Variants in SLC9B1 observed in about 807,000 individuals in gnomAD.
The protein encoded by SLC9B1 is solute carrier family 9 member B1, also known as sodium/hydrogen exchanger 9B1.
SLC9B1 carries 32 observed loss-of-function variants against 51.7 expected under a neutral mutation model. The observed-to-expected ratio is 0.62, with a 90% CI of 0.47 to 0.83. The LOEUF (loss-of-function observed/expected upper bound fraction) is 0.83, where lower values mean the gene tolerates loss of function less well. SLC9B1 is among the 40% of genes least tolerant of loss of function. The pLI, the probability that SLC9B1 is intolerant of heterozygous loss-of-function variation, is 0.00. For missense variants in SLC9B1, 406 were observed against 613.2 expected (o/e 0.66, Z 3.57); for synonymous variants, 145 against 212.7 (o/e 0.68, Z 2.77).
chr4:102,971,922 T>C (rs1344815506), intron 3 of SLC9B1, among the ~76,000 whole-genome samples: 1 of 151,990 alleles, frequency 6.6e-6, no homozygotes, highest in African/African-American at 2.4e-5. Flanking sequence ...AAATACACCC[T>C]CCTGAGACTA....
At chr4:103,010,398 C>G (rs972398557) in intron 1 of SLC9B1, among the ~76,000 whole-genome samples, 8 of 152,180 alleles carry the variant, frequency 5.3e-5, no homozygotes, top group African/African-American at 1.7e-4. Context: ...GGGCACAGCC[C>G]TCAAGGCCTA....
intron 1 of SLC9B1, among the ~76,000 whole-genome samples, chr4:103,015,164 A>G (rs1407090529): frequency 6.6e-6 from 1 of 152,148 alleles, no homozygotes; most frequent in African/African-American, 2.4e-5. Flanking sequence ...TATTGATGGA[A>G]ATGGTTAAAA....
chr4:102,997,170 C>T (rs2110525368), intron 1 of SLC9B1, among the ~76,000 whole-genome samples: 1 of 152,176 alleles, frequency 6.6e-6, no homozygotes, highest in South Asian at 2.1e-4. Context: ...CTTTTTGATC[C>T]TTTGTATTTC....
At chr4:102,988,149 A>C (rs1739751288) in intron 3 of SLC9B1, among the ~76,000 whole-genome samples, 1 of 152,174 alleles carries the variant, frequency 6.6e-6, no homozygotes, top group Admixed American at 6.5e-5. Context: ...ACTTTAATTC[A>C]TTTAAAGAAA....
At position 102,929,090 on chromosome 4, in the gene SLC9B1, A is replaced by G. The variant is rs561947528; in HGVS notation, c.829+3034T>C. On this transcript the variant is annotated intron_variant, in intron 7 of 11. Coordinates refer to ENST00000296422, the MANE Select transcript of SLC9B1 (RefSeq NM_139173.4). The stretch of plus-strand genomic sequence containing the variant: ...TAAATAAATGTTAATCTCCTTTGGC[A>G]ACACCCTCACAGACACAACCGGGAA... 2.3e-3 allele frequency among the ~76,000 whole-genome samples: 353 copies of G among 152,340 alleles called. 1 individual carries two copies. Among genetic ancestry groups the G allele is most frequent in the African/African-American group, 8.3e-3 (345 of 41,584 alleles).
In SLC9B1 at chr4:102,989,789, G is replaced by A; in HGVS notation, c.211+11C>T. The A allele has an allele frequency of 6.5e-7, 1 of 1,530,766 alleles. No individual in the cohort carries two copies. Among genetic ancestry groups the A allele is most frequent in the Non-Finnish European group, 8.8e-7 (1 of 1,132,424 alleles). The allele number at this position is 1,530,766 out of a possible 1,614,324, so 94.8% of individuals were successfully genotyped here. A position where few individuals can be genotyped will look rare whatever the true frequency, so the allele number is the denominator to read the frequency against. On this transcript the variant is annotated intron_variant, in intron 3 of 11. Transcript: ENST00000296422. ...CATCTTCTCTTCATTTACATTTTTT[G>A]TTTCACATACCATTTGTAATAATTA...
In SLC9B1 at chr4:102,974,330, T is replaced by C. The variant is rs1444290381; in HGVS notation, c.211+15470A>G. On this transcript the variant is annotated intron_variant, in intron 3 of 11. Transcript: ENST00000296422. ...GGCAAAAAGTAGAAATAGACATTAA[T>C]AAACTATAAAACAAAAAAACAATAG... 5.1e-5 allele frequency among the ~76,000 whole-genome samples: 6 copies of C among 116,990 alleles called. No homozygotes were observed. In the East Asian group the frequency reaches 1.5e-3, roughly 29 times the overall value. The allele number at this position is 116,990 out of a possible 152,430, so 76.7% of individuals were successfully genotyped here. A position where few individuals can be genotyped will look rare whatever the true frequency, so the allele number is the denominator to read the frequency against.
At chr4:102,917,550 T>A (rs1175545703) in intron 7 of SLC9B1, among the ~76,000 whole-genome samples, 1 of 151,990 alleles carries the variant, frequency 6.6e-6, no homozygotes, top group African/African-American at 2.4e-5. Context: ...AAAGAATAAG[T>A]CACAAGGAAA....
intron 3 of SLC9B1, among the ~76,000 whole-genome samples, chr4:102,974,421 AGATT>A (rs1440713337): frequency 7.2e-5 from 11 of 152,042 alleles, no homozygotes; most frequent in Non-Finnish European, 1.2e-4. Context: ...ACTTCTGGTA[AGATT>A]GATTAATTAA....
chr4:102,923,453 A>G (rs904709151), intron 7 of SLC9B1, among the ~76,000 whole-genome samples: 1 of 152,234 alleles, frequency 6.6e-6, no homozygotes, highest in African/African-American at 2.4e-5. Context: ...CACAGCCAAT[A>G]TCATACTGAA....
intron 1 of SLC9B1, among the ~76,000 whole-genome samples, chr4:102,994,562 G>A (rs1472436186): frequency 1.3e-5 from 2 of 152,056 alleles, no homozygotes; most frequent in African/African-American, 4.8e-5. Flanking sequence ...ACATTTCTGG[G>A]TATCTTTATA....
chr4:102,924,648 A>C (rs60780085), intron 7 of SLC9B1, among the ~76,000 whole-genome samples: 1 of 152,346 alleles, frequency 6.6e-6, no homozygotes, highest in African/African-American at 2.4e-5. Context: ...AAATTTTTAC[A>C]ATCTACCCAT....
At chr4:102,905,445 C>G in intron 11 of SLC9B1, 69 bp downstream of exon 11, 2 of 1,461,052 alleles carry the variant, frequency 1.4e-6, no homozygotes, top group Admixed American at 1.9e-5. Context: ...ACTAGAGTAA[C>G]ATTTTTCATT....
chr4:102,901,398 T>C, intron 11 of SLC9B1, 66 bp from the exon 12 acceptor site: 1 of 1,581,966 alleles, frequency 6.3e-7, no homozygotes, highest in Non-Finnish European at 8.6e-7. Context: ...ATAATGTAAA[T>C]GGCTCTGTTA....
At chr4:103,005,741 C>CCA (rs1740752045) in intron 1 of SLC9B1, among the ~76,000 whole-genome samples, 2 of 151,776 alleles carry the variant, frequency 1.3e-5, no homozygotes, top group African/African-American at 4.8e-5. Flanking sequence ...AAAAACTGAA[C>CCA]CACACTCTTA....
intron 4 of SLC9B1, 111 bp from the exon 5 acceptor site, chr4:102,946,900 G>A: frequency 1.0e-6 from 1 of 974,008 alleles, no homozygotes; most frequent in South Asian, 1.8e-5. Context: ...TTGGTAAAGG[G>A]CAGGTTACAA....
chr4:102,937,392 T>G (rs1257340773), intron 6 of SLC9B1, among the ~76,000 whole-genome samples: 1 of 122,120 alleles, frequency 8.2e-6, no homozygotes, highest in Non-Finnish European at 1.6e-5. Context: ...TGAGCCACCA[T>G]GCCTGGCCTT....
intron 11 of SLC9B1, among the ~76,000 whole-genome samples, chr4:102,902,569 A>G (rs967240339): frequency 1.1e-4 from 16 of 148,918 alleles, no homozygotes; most frequent in African/African-American, 4.2e-4. Flanking sequence ...CTTTTAAGAG[A>G]TGATTATGAT....
chr4:102,971,556 C>T (rs1372640185), intron 3 of SLC9B1, among the ~76,000 whole-genome samples: 1 of 152,044 alleles, frequency 6.6e-6, no homozygotes, highest in Non-Finnish European at 1.5e-5. Context: ...AAAATCGACA[C>T]CCTAACATCA....
Sources: allele counts gnomAD v4.1 joint callset (sites outside exome capture counted in the v4.1 genomes callset), GRCh38; gene constraint gnomAD v4.1.1; transcripts MANE v1.5; gene names NCBI Gene and HGNC (gene_info 2026-07-23, HGNC 2026-07-21).